Variants in FERMT2 observed in about 807,000 individuals in gnomAD.
FERMT2 encodes the protein FERM domain containing kindlin 2.
FERMT2 carries 15 observed loss-of-function variants against 82.7 expected under a neutral mutation model. The ratio of observed to expected loss-of-function variants is 0.18; its 90% CI spans 0.12 to 0.28. The LOEUF (loss-of-function observed/expected upper bound fraction) is 0.28, where lower values mean the gene tolerates loss of function less well. Among genes scored for constraint, FERMT2 ranks in the 10% least tolerant of loss-of-function variants. The probability of loss-of-function intolerance (pLI) is 1.00; values close to 1 mark genes in which losing one functional copy is unlikely to be tolerated. For synonymous variants in FERMT2, 274 were observed against 271.5 expected, an observed-to-expected ratio of 1.01 and a Z score of -0.09; for missense variants, 645 against 809.4, an observed-to-expected ratio of 0.80 and a Z score of 2.46.
At chr14:52,911,514 G>A (rs1158823263) in intron 3 of FERMT2, among the ~76,000 whole-genome samples, 1 of 151,992 alleles carries the variant, frequency 6.6e-6, no homozygotes, top group East Asian at 1.9e-4. Context: ...AGCTGGGCGT[G>A]GTGGCGAGCG....
chr14:52,893,497 T>C (rs1887074345), intron 3 of FERMT2, 70 bp from the exon 4 acceptor site: 1 of 1,200,414 alleles, frequency 8.3e-7, no homozygotes, highest in Non-Finnish European at 1.2e-6. Flanking sequence ...GTAAATCTAT[T>C]GTTTCAAGAT....
At chr14:52,882,549 CTG>C (rs1886356462) in intron 4 of FERMT2, among the ~76,000 whole-genome samples, 1 of 152,160 alleles carries the variant, frequency 6.6e-6, no homozygotes, top group African/African-American at 2.4e-5. Context: ...AGTCCTAGCT[CTG>C]TTAAATTATA....
intron 7 of FERMT2, among the ~76,000 whole-genome samples, chr14:52,877,497 G>C (rs768631488): frequency 1.4e-4 from 20 of 145,374 alleles, no homozygotes; most frequent in Non-Finnish European, 2.6e-4. Context: ...CTGTCACCTG[G>C]GATTTATTTT....
chr14:52,890,411 C>T (rs1886869347), intron 4 of FERMT2, among the ~76,000 whole-genome samples: 1 of 132,652 alleles, frequency 7.5e-6, no homozygotes, highest in Admixed American at 8.0e-5. Context: ...AGCCACTGCA[C>T]TCCGGCCTGG....
chr14:52,934,728 T>C (rs1246537379), intron 2 of FERMT2, among the ~76,000 whole-genome samples: 1 of 152,256 alleles, frequency 6.6e-6, no homozygotes, highest in Non-Finnish European at 1.5e-5. Flanking sequence ...ATTTCTTCTT[T>C]AACTCCATTT....
In FERMT2 at chr14:52,913,914, A is replaced by G. The variant is rs1353860437; in HGVS notation, c.391+5209T>C. On this transcript the variant is annotated intron_variant, in intron 3 of 14. Coordinates refer to ENST00000341590, the MANE Select transcript of FERMT2 (RefSeq NM_006832.3). ...CCAGTGAAGATAGGTATAAGGAAGTAAGGTATAAGGAGCTCCAGATTCTTG... is the reference window on the plus strand; with the variant it reads ...CCAGTGAAGATAGGTATAAGGAAGTGAGGTATAAGGAGCTCCAGATTCTTG... 3.9e-5 allele frequency among the ~76,000 whole-genome samples: 6 copies of G among 152,236 alleles called. No homozygotes were observed. In the East Asian group the frequency reaches 1.2e-3, roughly 29 times the overall value.
At chr14:52,891,060 C>A (rs1407847664) in intron 4 of FERMT2, among the ~76,000 whole-genome samples, 1 of 152,126 alleles carries the variant, frequency 6.6e-6, no homozygotes, top group African/African-American at 2.4e-5. Flanking sequence ...TATTCAGAAA[C>A]CAATGGTTCT....
At chr14:52,868,709 G>C (rs1226952214) in intron 10 of FERMT2, among the ~76,000 whole-genome samples, 18 of 152,174 alleles carry the variant, frequency 1.2e-4, no homozygotes, top group Non-Finnish European at 2.1e-4. Flanking sequence ...TCTAAACCAG[G>C]TGTAGTGGTG....
intron 13 of FERMT2, chr14:52,860,112 T>C (rs1001669842): frequency 1.4e-4 from 62 of 432,366 alleles, no homozygotes; most frequent in Non-Finnish European, 2.3e-4. Context: ...CCACCGTGCC[T>C]GGCCAAGAGT....
chr14:52,886,205 C>G (rs1886593287), intron 4 of FERMT2, among the ~76,000 whole-genome samples: 1 of 151,440 alleles, frequency 6.6e-6, no homozygotes. Context: ...CAATATTGAG[C>G]AGAATGTAGG....
intron 12 of FERMT2, 63 bp from the exon 13 acceptor site, chr14:52,860,528 A>T: frequency 6.9e-7 from 1 of 1,439,848 alleles, no homozygotes; most frequent in Non-Finnish European, 9.4e-7. Flanking sequence ...GAACTGAGAC[A>T]AAAGATCAAA....
At chr14:52,911,042 A>C (rs17125879) in intron 3 of FERMT2, among the ~76,000 whole-genome samples, 3,719 of 152,314 alleles carry the variant, frequency 0.024, 149 homozygotes, top group African/African-American at 0.085. Context: ...TTCAGTGTTC[A>C]GTTTCAGTGG....
intron 12 of FERMT2, chr14:52,862,039 A>AT (rs1188384367): frequency 3.3e-5 from 5 of 152,172 alleles, no homozygotes; most frequent in Non-Finnish European, 7.3e-5. Context: ...CACCAGGGCA[A>AT]TAACATCATG....
intron 2 of FERMT2, among the ~76,000 whole-genome samples, chr14:52,925,951 G>A (rs118038754): frequency 0.011 from 1,699 of 152,158 alleles, 20 homozygotes; most frequent in African/African-American, 0.037. Context: ...GCACAGATGC[G>A]GTAACTCTTG....
At chr14:52,901,736 T>C (rs1180009898) in intron 3 of FERMT2, among the ~76,000 whole-genome samples, 1 of 152,084 alleles carries the variant, frequency 6.6e-6, no homozygotes, top group Non-Finnish European at 1.5e-5. Context: ...AAGAACCAAA[T>C]TCTACCAAGC....
chr14:52,864,345 G>A lies in FERMT2; in HGVS notation c.1602+56C>T, dbSNP rs551427383. 69 of 1,327,638 alleles carry A rather than the reference G, an allele frequency of 5.2e-5. No individual in the cohort carries two copies. In the African/African-American group the frequency reaches 9.5e-4, roughly 18 times the overall value. 82.2% of individuals were successfully genotyped at this position (1,327,638 alleles called of 1,614,324 possible). ...TTTAAGAGGGGAAAAACAAAGTTAT[G>A]TACAAAATTATAAAAACAAACCAGC... On this transcript the variant is annotated intron_variant, in intron 12 of 14. Coordinates refer to ENST00000341590, the MANE Select transcript of FERMT2 (RefSeq NM_006832.3).
At chr14:52,918,499 TA>T (rs1168774531) in intron 3 of FERMT2, among the ~76,000 whole-genome samples, 1 of 152,212 alleles carries the variant, frequency 6.6e-6, no homozygotes, top group African/African-American at 2.4e-5. Flanking sequence ...GAGAAGTCAC[TA>T]AATGTATCTT....
chr14:52,903,717 A>C (rs796681783), intron 3 of FERMT2, among the ~76,000 whole-genome samples: 1 of 152,320 alleles, frequency 6.6e-6, no homozygotes, highest in East Asian at 1.9e-4. Context: ...TATCTCAAAA[A>C]TTTACATCCT....
intron 4 of FERMT2, among the ~76,000 whole-genome samples, chr14:52,891,605 T>C (rs1263370585): frequency 6.6e-6 from 1 of 152,122 alleles, no homozygotes; most frequent in African/African-American, 2.4e-5. Context: ...ATGGGTAAAG[T>C]GCATGAAATA....
Sources: allele counts gnomAD v4.1 joint callset (sites outside exome capture counted in the v4.1 genomes callset), GRCh38; gene constraint gnomAD v4.1.1; transcripts MANE v1.5; gene names NCBI Gene and HGNC (gene_info 2026-07-23, HGNC 2026-07-21).